The following IPMK variants were observed in gnomAD, a reference collection of about 807,000 sequenced individuals.
IPMK encodes inositol 1,3,4,6-tetrakisphosphate 5-kinase.
Under a neutral mutation model 45.8 loss-of-function variants are expected in IPMK, and 17 were observed. That is an observed-to-expected ratio of 0.37 (90% CI 0.25 to 0.56). IPMK has a LOEUF of 0.56. Ranked by LOEUF, IPMK falls within the 20% of genes least tolerant of loss-of-function variation. The pLI is 0.79. For missense variants in IPMK, 399 were observed against 498.0 expected (o/e 0.80, Z 1.89); for synonymous variants, 180 against 184.3 (o/e 0.98, Z 0.19).
chr10:58,248,647 CTTCT>C (rs140297330), intron 1 of IPMK, among the ~76,000 whole-genome samples: 11,969 of 152,170 alleles, frequency 0.079, 634 homozygotes, highest in African/African-American at 0.15. Context: ...GAACTTATTC[CTTCT>C]AAGTGTATTT....
chr10:58,219,716 C>A (rs981338807), intron 3 of IPMK, among the ~76,000 whole-genome samples: 9 of 152,176 alleles, frequency 5.9e-5, no homozygotes, highest in African/African-American at 2.2e-4. Flanking sequence ...ACTAAGTTTC[C>A]TAAATGAAAG....
At chr10:58,260,448 T>C (rs1839047104) in intron 1 of IPMK, among the ~76,000 whole-genome samples, 1 of 152,226 alleles carries the variant, frequency 6.6e-6, no homozygotes, top group Non-Finnish European at 1.5e-5. Context: ...GAAAATTGTC[T>C]TATTTTTAGG....
chr10:58,209,220 G>C (rs1002091309), intron 4 of IPMK, among the ~76,000 whole-genome samples: 4 of 152,150 alleles, frequency 2.6e-5, no homozygotes, highest in Non-Finnish European at 4.4e-5. Flanking sequence ...TCCTGTAGGG[G>C]ATGCCCCAGC....
chr10:58,254,145 C>T (rs1296797416), intron 1 of IPMK, among the ~76,000 whole-genome samples: 6 of 152,126 alleles, frequency 3.9e-5, no homozygotes, highest in Admixed American at 2.6e-4. Flanking sequence ...TTTTCACTCT[C>T]ATCTCCTTTA....
At chr10:58,245,715 C>T (rs1838789320) in intron 1 of IPMK, among the ~76,000 whole-genome samples, 1 of 151,500 alleles carries the variant, frequency 6.6e-6, no homozygotes, top group South Asian at 2.1e-4. Context: ...TGGGCAAAAA[C>T]TGGAAGCATT....
chr10:58,243,714 G>A (rs558009304), intron 1 of IPMK, among the ~76,000 whole-genome samples: 29 of 152,142 alleles, frequency 1.9e-4, no homozygotes, highest in Admixed American at 4.6e-4. Context: ...ATCTCGGCTC[G>A]CTACAACCTC....
At chr10:58,223,129 T>C (rs1838361830) in intron 3 of IPMK, among the ~76,000 whole-genome samples, 1 of 151,350 alleles carries the variant, frequency 6.6e-6, no homozygotes, top group Admixed American at 6.6e-5. Context: ...CACCACCTAT[T>C]CCCCCAAAAA....
At chr10:58,225,030 G>A (rs958441382) in intron 3 of IPMK, among the ~76,000 whole-genome samples, 3 of 152,152 alleles carry the variant, frequency 2.0e-5, no homozygotes, top group African/African-American at 7.2e-5. Context: ...AGCTAACAAA[G>A]TAGGAAAGAA....
chr10:58,211,231 A>G (rs1455788092), intron 4 of IPMK, among the ~76,000 whole-genome samples: 1 of 149,052 alleles, frequency 6.7e-6, no homozygotes, highest in African/African-American at 2.5e-5. Context: ...TCGCTCTGTC[A>G]CCCAGGCTGG....
intron 1 of IPMK, among the ~76,000 whole-genome samples, chr10:58,259,644 C>T (rs768401073): frequency 7.3e-6 from 1 of 137,036 alleles, no homozygotes; most frequent in Non-Finnish European, 1.5e-5. Flanking sequence ...ACCAGCCTGG[C>T]CAGCATGGTA....
At chr10:58,253,651 T>C (rs1443379815) in intron 1 of IPMK, among the ~76,000 whole-genome samples, 1 of 146,206 alleles carries the variant, frequency 6.8e-6, no homozygotes, top group East Asian at 2.0e-4. Flanking sequence ...GGCGGGAGAA[T>C]GCTTGAACCC....
chr10:58,207,947 TTTC>T (rs1352593379), intron 4 of IPMK, among the ~76,000 whole-genome samples: 1 of 152,084 alleles, frequency 6.6e-6, no homozygotes, highest in Non-Finnish European at 1.5e-5. Flanking sequence ...TTTGTTCATT[TTTC>T]TTTTTTTTTA....
intron 3 of IPMK, among the ~76,000 whole-genome samples, chr10:58,224,478 T>C (rs1186879248): frequency 6.6e-6 from 1 of 152,160 alleles, no homozygotes; most frequent in Non-Finnish European, 1.5e-5. Flanking sequence ...AATTAGATAA[T>C]TGTGATGATT....
chr10:58,200,483 T>A (rs1391041498), intron 4 of IPMK, among the ~76,000 whole-genome samples: 2 of 151,976 alleles, frequency 1.3e-5, no homozygotes, highest in Non-Finnish European at 2.9e-5. Context: ...AATAAATAAA[T>A]AAGAGCCAAG....
chr10:58,216,356 CA>C, intron 3 of IPMK, 39 bp from the exon 4 acceptor site: 14 of 950,128 alleles, frequency 1.5e-5, no homozygotes, highest in East Asian at 3.0e-5. Flanking sequence ...AATAGGCAAA[CA>C]TATTACTACT....
At position 58,224,355 on chromosome 10, in the gene IPMK, ATG is replaced by A. The variant is rs749465787; in HGVS notation, c.373+2686_373+2687del. Among the ~76,000 whole-genome samples, 13 of 152,338 alleles carry A rather than the reference ATG, an allele frequency of 8.5e-5. No individual in the cohort carries two copies. In the East Asian group the frequency reaches 1.9e-3, roughly 23 times the overall value. Reference sequence around the variant, plus strand: ...TTGATGCTACATGTATTAGCCTTTTATGTGTTTATACACAGGTACAAAAGATA... The same window carrying A: ...TTGATGCTACATGTATTAGCCTTTTATGTTTATACACAGGTACAAAAGATA... On this transcript the variant is annotated intron_variant, in intron 3 of 5. Coordinates refer to ENST00000373935, the MANE Select transcript of IPMK (RefSeq NM_152230.5).
intron 4 of IPMK, among the ~76,000 whole-genome samples, chr10:58,214,841 G>GT (rs1838220458): frequency 6.6e-6 from 1 of 152,132 alleles, no homozygotes; most frequent in Admixed American, 6.5e-5. Context: ...ACATTACTTT[G>GT]TTTTTTCTCT....
chr10:58,258,730 C>T (rs1839011661), intron 1 of IPMK, among the ~76,000 whole-genome samples: 1 of 151,804 alleles, frequency 6.6e-6, no homozygotes, highest in African/African-American at 2.4e-5. Context: ...TTGTTTAGTA[C>T]TTAAAGGGAA....
chr10:58,197,300 A>AAAATAAAT lies in IPMK; in HGVS notation c.629-610_629-603dup, dbSNP rs200761885. On this transcript the variant is annotated intron_variant, in intron 5 of 5. Transcript: ENST00000373935. The stretch of plus-strand genomic sequence containing the variant: ...GGTGACAGAGCGAGACTCCGTCTCA[A>AAAATAAAT]AAATAAATAAATAAATAAATAAATA... 7.6e-4 allele frequency among the ~76,000 whole-genome samples: 63 copies of AAAATAAAT among 83,312 alleles called. 3 individuals carry two copies. In the South Asian group the frequency reaches 0.02, roughly 26 times the overall value. 54.7% of individuals were successfully genotyped at this position (83,312 alleles called of 152,430 possible). A position where few individuals can be genotyped will look rare whatever the true frequency, so the allele number is the denominator to read the frequency against.
Sources: gnomAD v4.1 joint callset for allele counts (sites outside exome capture counted in the v4.1 genomes callset) on GRCh38, gnomAD v4.1.1 for gene constraint, MANE v1.5 for transcripts, NCBI Gene and HGNC (gene_info 2026-07-23, HGNC 2026-07-21) for gene names.